ABCC5: variants seen among roughly 807,000 people sequenced by gnomAD.
The protein encoded by ABCC5 is ATP-binding cassette sub-family C member 5.
A neutral mutation model predicts 160.9 loss-of-function variants in ABCC5; 61 were observed. The ratio of observed to expected loss-of-function variants is 0.38; its 90% CI spans 0.31 to 0.47. The LOEUF is 0.47. Ranked by LOEUF, ABCC5 falls within the 20% of genes least tolerant of loss-of-function variation. ABCC5 has a pLI of 0.99. For missense variants in ABCC5, 1,308 were observed against 1,813.3 expected, an observed-to-expected ratio of 0.72 and a Z score of 5.06; for synonymous variants, 666 against 700.6, an observed-to-expected ratio of 0.95 and a Z score of 0.78.
intron 11 of ABCC5, 37 bp downstream of exon 11, chr3:183,971,526 G>A: frequency 6.3e-7 from 1 of 1,579,554 alleles, no homozygotes; most frequent in Non-Finnish European, 8.6e-7. Flanking sequence ...ATGGGGTGGT[G>A]GGGTGCGGGC....
chr3:183,945,618 C>G (rs1043693084), intron 24 of ABCC5, among the ~76,000 whole-genome samples: 2 of 152,212 alleles, frequency 1.3e-5, no homozygotes, highest in African/African-American at 4.8e-5. Context: ...TCTGAACATT[C>G]TGGAAATTAG....
intron 8 of ABCC5, 92 bp downstream of exon 8, chr3:183,981,635 T>C (rs1718750984): frequency 1.4e-6 from 2 of 1,379,372 alleles, no homozygotes; most frequent in South Asian, 1.2e-5. Context: ...TCCTAGTACG[T>C]AATGTGCTCA....
At chr3:183,936,266 G>A (rs766531310) in intron 26 of ABCC5, among the ~76,000 whole-genome samples, 4 of 151,934 alleles carry the variant, frequency 2.6e-5, no homozygotes, top group Non-Finnish European at 5.9e-5. Flanking sequence ...ACCCATCCCC[G>A]GCCTTCCCAG....
rs757135163 is a variant in ABCC5, at chr3:183,938,056, C to T, written c.3699G>A (p.Lys1233=). 1.3e-5 allele frequency: 21 copies of T among 1,613,820 alleles called. No individual in the cohort carries two copies. In the Middle Eastern group the frequency reaches 1.2e-3, roughly 89 times the overall value. Residue 1233 remains lysine, a synonymous_variant, in exon 26 of 30, where the codon AAG becomes AAA. Coordinates refer to ENST00000334444, the MANE Select transcript of ABCC5 (RefSeq NM_005688.4). ...IGIVGRTGSG[K]SSLGMALFRL... ...GGAAGAGGGCCATCCCCAGCGAGGA[C>T]TTCCCTGATGAGTCAGAAGACATGC...
intron 17 of ABCC5, 102 bp from the exon 18 acceptor site, chr3:183,953,372 A>G (rs1226501601): frequency 9.8e-6 from 10 of 1,015,266 alleles, no homozygotes; most frequent in Admixed American, 2.7e-5. Flanking sequence ...GCAGCTTCAC[A>G]GGGGTCTAGA....
At chr3:183,992,738 A>G (rs1719886069) in intron 2 of ABCC5, among the ~76,000 whole-genome samples, 1 of 152,152 alleles carries the variant, frequency 6.6e-6, no homozygotes, top group Non-Finnish European at 1.5e-5. Context: ...GCAGTGAGCC[A>G]AGATAGCGCC....
At position 183,949,007 on chromosome 3, in the gene ABCC5, T is replaced by A. The variant is rs1303383535; in HGVS notation, c.3227+746A>T. 1.3e-5 allele frequency among the ~76,000 whole-genome samples: 2 copies of A among 152,162 alleles called. No homozygotes were observed. Among genetic ancestry groups the A allele is most frequent in the African/African-American group, 2.4e-5 (1 of 41,446 alleles). On this transcript the variant is annotated intron_variant, in intron 22 of 29. Transcript: ENST00000334444. The surrounding 1 kb of genome is among the most constrained non-coding windows in gnomAD (Gnocchi z 4.2). Reference sequence around the variant, plus strand: ...GCGGGAGCCACTGTACCCAGCCTGATATTCTAAATGTTATACATAAAAACA... The same window carrying A: ...GCGGGAGCCACTGTACCCAGCCTGAAATTCTAAATGTTATACATAAAAACA...
At position 183,952,055 on chromosome 3, in the gene ABCC5, C is replaced by T. The variant is rs1360268186; in HGVS notation, c.2668-52G>A. 3 of 1,573,252 alleles carry T rather than the reference C, an allele frequency of 1.9e-6. No homozygotes were observed. In the South Asian group the frequency reaches 3.4e-5, roughly 18 times the overall value. ...CCAGACTCCTAACGACTGCCAAGAG[C>T]CCCTGCTCAGCGCCATTCTCAGCTC... On this transcript the variant is annotated intron_variant, in intron 18 of 29. Coordinates refer to ENST00000334444, the MANE Select transcript of ABCC5 (RefSeq NM_005688.4).
intron 2 of ABCC5, among the ~76,000 whole-genome samples, chr3:183,993,445 C>G (rs968201378): frequency 1.4e-5 from 2 of 143,754 alleles, no homozygotes. Flanking sequence ...GATTGTGCCA[C>G]TGCACTCCAG....
intron 28 of ABCC5, among the ~76,000 whole-genome samples, chr3:183,925,963 T>C (rs1343269804): frequency 3.3e-4 from 50 of 150,116 alleles, no homozygotes; most frequent in African/African-American, 1.1e-3. Context: ...CTCAGCCGCC[T>C]GAGTAGCTGG....
rs757505838 is a variant in ABCC5 at position 183,988,529 on chromosome 3, C to T, written c.443+43G>A. The T allele has an allele frequency of 2.5e-6, 4 of 1,579,042 alleles. No homozygotes were observed. The highest frequency in any genetic ancestry group is 1.2e-5 in the South Asian group (1 of 84,522). Reference sequence around the variant, plus strand: ...TTCACACTCCTAGCTCAGGCCCTGCCCACCCGGCATGGGGGAGATGAGGGT... The same window carrying T: ...TTCACACTCCTAGCTCAGGCCCTGCTCACCCGGCATGGGGGAGATGAGGGT... On this transcript the variant is annotated intron_variant, in intron 4 of 29. Coordinates refer to ENST00000334444, the MANE Select transcript of ABCC5 (RefSeq NM_005688.4). The surrounding 1 kb of genome is among the most constrained non-coding windows in gnomAD (Gnocchi z 4.4).
At chr3:183,931,910 G>T (rs1397783063) in intron 26 of ABCC5, among the ~76,000 whole-genome samples, 1 of 152,336 alleles carries the variant, frequency 6.6e-6, no homozygotes, top group African/African-American at 2.4e-5. Flanking sequence ...TAAGTGATTG[G>T]ATAGAAAAGT....
At position 183,993,094 on chromosome 3, in the gene ABCC5, T is replaced by G. The variant is rs568306440; in HGVS notation, c.130-3711A>C. ...CATTTCACTTAACTGGGGTTTAAAA[T>G]AGTTTTCCCTTTCATCAAAATTGAT... On this transcript the variant is annotated intron_variant, in intron 2 of 29. Transcript: ENST00000334444. 5.9e-5 allele frequency among the ~76,000 whole-genome samples: 9 copies of G among 152,362 alleles called. No individual in the cohort carries two copies. In the East Asian group the frequency reaches 1.5e-3, roughly 26 times the overall value.
intron 3 of ABCC5, 80 bp downstream of exon 3, chr3:183,989,146 A>G: frequency 7.5e-7 from 1 of 1,336,038 alleles, no homozygotes; most frequent in Admixed American, 2.8e-5. Flanking sequence ...CGACAGAGCA[A>G]GACTCCATCT....
At position 184,014,182 on chromosome 3, in the gene ABCC5, G is replaced by A. The variant is rs1295058175; in HGVS notation, c.129+82C>T. ...GCCACCGCGCCCGGCCAAAAAATAAGTTTCTAAATTACCCATTATACGAAA... is the reference window on the plus strand; with the variant it reads ...GCCACCGCGCCCGGCCAAAAAATAAATTTCTAAATTACCCATTATACGAAA... On this transcript the variant is annotated intron_variant, in intron 2 of 29. Coordinates refer to ENST00000334444, the MANE Select transcript of ABCC5 (RefSeq NM_005688.4). 3 of 1,400,786 alleles carry A rather than the reference G, an allele frequency of 2.1e-6. No homozygotes were observed. The African/African-American group carries it at 4.4e-5, about 20-fold the overall frequency. 86.8% of individuals were successfully genotyped at this position (1,400,786 alleles called of 1,614,324 possible).
In ABCC5 at chr3:183,947,468, CAA is replaced by C; in HGVS notation, c.3268_3269del (p.Leu1090ValfsTer62). 2 of 1,582,022 alleles carry C rather than the reference CAA, an allele frequency of 1.3e-6. No homozygotes were observed. Among genetic ancestry groups the C allele is most frequent in the South Asian group, 1.2e-5 (1 of 86,844 alleles). On this transcript the variant is annotated frameshift_variant, in exon 23 of 30. Coordinates refer to ENST00000334444, the MANE Select transcript of ABCC5 (RefSeq NM_005688.4). LOFTEE classifies it high-confidence loss of function. Reference sequence around the variant, plus strand: ...CCAGCCACCGCATCGCACACGTAAACAAAAAAAAAGGAGCTTGGTTGTCATCC... The same window carrying C: ...CCAGCCACCGCATCGCACACGTAAACAAAAAAAGGAGCTTGGTTGTCATCC... ...LLDDNQAPFF[L>X]FTCAMRWLAV... is the part of the protein sequence containing the mutation.
At position 183,951,930 on chromosome 3, in the gene ABCC5, TA is replaced by T; in HGVS notation, c.2740del (p.Tyr914MetfsTer13). 1 of 1,614,066 alleles carries T rather than the reference TA, an allele frequency of 6.2e-7. No homozygotes were observed. Among genetic ancestry groups the T allele is most frequent in the Non-Finnish European group, 8.5e-7 (1 of 1,179,932 alleles). ...CATGGAGAGGGCGTAGATGCTGGCATAGTACTGCATATGAGGATTGTCCTTC... is the reference window on the plus strand; with the variant it reads ...CATGGAGAGGGCGTAGATGCTGGCATGTACTGCATATGAGGATTGTCCTTC... Reference protein sequence around the residue: ...SMKDNPHMQYYASIYALSMAV... With the variant: ...SMKDNPHMQYXASIYALSMAV... On this transcript the variant is annotated frameshift_variant, in exon 19 of 30. Coordinates refer to ENST00000334444, the MANE Select transcript of ABCC5 (RefSeq NM_005688.4). LOFTEE classifies it high-confidence loss of function. This position sits in a 1 kb window ranked among gnomAD's most constrained non-coding sequence, Gnocchi z 4.7.
intron 11 of ABCC5, among the ~76,000 whole-genome samples, chr3:183,968,882 CCTT>C (rs1220482393): frequency 6.6e-6 from 1 of 152,170 alleles, no homozygotes; most frequent in East Asian, 1.9e-4. Flanking sequence ...GTGTCTGTCT[CCTT>C]CTTTGGACTC....
rs1472327670 is a variant in ABCC5 at position 183,988,767 on chromosome 3, C to G, written c.288-40G>C. ...CCGAAATCACAAAGCTATCAACACG[C>G]ACGGAGAGGGCAGCCCGTGTTTAAT... On this transcript the variant is annotated intron_variant, in intron 3 of 29. Transcript: ENST00000334444. The surrounding 1 kb of genome is among the most constrained non-coding windows in gnomAD (Gnocchi z 4.4). 1.2e-6 allele frequency: 2 copies of G among 1,600,350 alleles called. No individual in the cohort carries two copies. Among genetic ancestry groups the G allele is most frequent in the Non-Finnish European group, 1.7e-6 (2 of 1,173,846 alleles).
Sources: gnomAD v4.1 joint callset for allele counts (sites outside exome capture counted in the v4.1 genomes callset) on GRCh38, gnomAD v4.1.1 for gene constraint, Gnocchi (gnomAD v3.1) non-coding constraint, MANE v1.5 for transcripts, NCBI Gene and HGNC (gene_info 2026-07-23, HGNC 2026-07-21) for gene names.